ZNF507: variants seen among roughly 807,000 people sequenced by gnomAD.
ZNF507 encodes zinc finger protein 507.
A neutral mutation model predicts 80.0 loss-of-function variants in ZNF507; 29 were observed. The observed-to-expected ratio is 0.36, with a 90% confidence interval of 0.27 to 0.49. ZNF507 has a LOEUF of 0.49. Ranked by LOEUF, ZNF507 falls within the 20% of genes least tolerant of loss-of-function variation. The pLI is 0.98. For missense variants in ZNF507, 1,081 were observed against 1,152.2 expected (o/e 0.94, Z 0.90); for synonymous variants, 462 against 422.5 (o/e 1.09, Z -1.15).
Position 32,382,940 on chromosome 19 carries a change from T to C in ZNF507, c.2719T>C (p.Cys907Arg). The C allele has an allele frequency of 6.2e-7, 1 of 1,614,204 alleles. No homozygotes were observed. Among genetic ancestry groups the C allele is most frequent in the Non-Finnish European group, 8.5e-7 (1 of 1,180,024 alleles). ...TCTGGCCCCTCCTAGCATGGAGTAC[T>C]GCGTTTTACTCTTCTGCTGTTGTAT... is the stretch of plus-strand genomic sequence containing the variant. ...SSLAPPSMEY[C>R]VLLFCCCICG... Residue 907 changes from cysteine to arginine, a missense_variant, in exon 7 of 7, where the codon TGC becomes CGC. Physicochemically the swap from Cys to Arg is radical, Grantham distance 180 (BLOSUM62 -3). Coordinates refer to ENST00000355898, the MANE Select transcript of ZNF507 (RefSeq NM_001136156.2).
intron 5 of ZNF507, among the ~76,000 whole-genome samples, chr19:32,374,169 A>AACACACACACACACACACACACACAC (rs56820529): frequency 1.1e-4 from 16 of 149,786 alleles, no homozygotes; most frequent in African/African-American, 3.7e-4. Context: ...CAAAGCAAGG[A>AACACACACACACACACACACACACAC]ACACACACAC....
intron 5 of ZNF507, among the ~76,000 whole-genome samples, chr19:32,372,099 T>C (rs996479012): frequency 2.0e-5 from 3 of 152,156 alleles, no homozygotes; most frequent in African/African-American, 7.2e-5. Context: ...CTTAGTAGAG[T>C]GTATTTTCAT....
chr19:32,368,081 C>A (rs570416964), intron 5 of ZNF507, among the ~76,000 whole-genome samples: 2 of 152,270 alleles, frequency 1.3e-5, no homozygotes, highest in African/African-American at 4.8e-5. Context: ...CTCCTAATAA[C>A]TGTGTCATCC....
intron 1 of ZNF507, among the ~76,000 whole-genome samples, chr19:32,346,668 C>T (rs1326980560): frequency 1.3e-5 from 2 of 152,162 alleles, no homozygotes; most frequent in Non-Finnish European, 2.9e-5. Flanking sequence ...TTTACTTAAC[C>T]GTAATCGATA....
chr19:32,365,993 G>A (rs941725527), intron 5 of ZNF507, among the ~76,000 whole-genome samples: 1 of 152,156 alleles, frequency 6.6e-6, no homozygotes, highest in African/African-American at 2.4e-5. Context: ...TAAATGTGTA[G>A]TGGTATTATT....
chr19:32,361,533 A>G (rs958817709), intron 5 of ZNF507, among the ~76,000 whole-genome samples: 10 of 152,216 alleles, frequency 6.6e-5, no homozygotes, highest in African/African-American at 2.4e-4. Flanking sequence ...GCAAACCAGC[A>G]GACTTACTTA....
chr19:32,361,513 T>C (rs1967322275), intron 5 of ZNF507, among the ~76,000 whole-genome samples: 1 of 152,202 alleles, frequency 6.6e-6, no homozygotes, highest in Non-Finnish European at 1.5e-5. Context: ...ATTTAATATG[T>C]GCTTAATTTG....
At chr19:32,358,213 G>C (rs941502467) in intron 4 of ZNF507, 6 of 152,060 alleles carry the variant, frequency 3.9e-5, no homozygotes, top group African/African-American at 1.4e-4. Flanking sequence ...ACCTGGATGG[G>C]TACTTTATTA....
intron 5 of ZNF507, among the ~76,000 whole-genome samples, chr19:32,360,929 A>G: frequency 6.6e-6 from 1 of 152,184 alleles, no homozygotes; most frequent in East Asian, 1.9e-4. Context: ...GAGCCACTGC[A>G]CCTGGCTGGT....
At chr19:32,373,820 C>A (rs1439958140) in intron 5 of ZNF507, among the ~76,000 whole-genome samples, 1 of 152,184 alleles carries the variant, frequency 6.6e-6, no homozygotes, top group African/African-American at 2.4e-5. Flanking sequence ...ATTTTGTTGG[C>A]CAGTTCCTCT....
chr19:32,350,514 G>A (rs918865832), intron 2 of ZNF507, among the ~76,000 whole-genome samples: 7 of 152,212 alleles, frequency 4.6e-5, no homozygotes, highest in Non-Finnish European at 7.3e-5. Flanking sequence ...CTTGAGTTAA[G>A]ATGAACTCCT....
chr19:32,385,458 T>C lies in ZNF507; in HGVS notation c.*2375T>C, dbSNP rs557919955. On this transcript the variant is annotated 3_prime_UTR_variant, in exon 7 of 7. Transcript: ENST00000355898. Reference sequence around the variant, plus strand: ...TTAACAATGTGTCTACCAAGAACAATTGAGTTTTCTAAAAGTAATAATGAA... The same window carrying C: ...TTAACAATGTGTCTACCAAGAACAACTGAGTTTTCTAAAAGTAATAATGAA... The C allele has an allele frequency of 1.1e-4, 17 of 152,312 alleles. No homozygotes were observed. The highest frequency in any genetic ancestry group is 3.4e-4 in the African/African-American group (14 of 41,566). The allele number at this position is 152,312 out of a possible 1,614,324, so 9.4% of individuals were successfully genotyped here. A position where few individuals can be genotyped will look rare whatever the true frequency, so the allele number is the denominator to read the frequency against.
intron 5 of ZNF507, among the ~76,000 whole-genome samples, chr19:32,373,177 A>G (rs1207020001): frequency 6.6e-6 from 1 of 151,982 alleles, no homozygotes; most frequent in Non-Finnish European, 1.5e-5. Context: ...ACCTCTTAAT[A>G]TTATCCCTTT....
intron 5 of ZNF507, among the ~76,000 whole-genome samples, chr19:32,379,860 G>T (rs760920438): frequency 5.3e-5 from 8 of 151,822 alleles, no homozygotes; most frequent in Non-Finnish European, 1.0e-4. Flanking sequence ...TATGCTTGTG[G>T]AAGAACAGTC....
chr19:32,362,738 G>A (rs1432885061), intron 5 of ZNF507, among the ~76,000 whole-genome samples: 3 of 152,138 alleles, frequency 2.0e-5, no homozygotes, highest in Non-Finnish European at 2.9e-5. Flanking sequence ...TCCTACCAAC[G>A]GGCAACATCC....
At position 32,386,442 on chromosome 19, in the gene ZNF507, T is replaced by G. The variant is rs1251284429; in HGVS notation, c.*3359T>G. On this transcript the variant is annotated 3_prime_UTR_variant, in exon 7 of 7. Coordinates refer to ENST00000355898, the MANE Select transcript of ZNF507 (RefSeq NM_001136156.2). ...GTAATATTCGATAAAATATATTTAA[T>G]AGAAATTTGCGTTTGATATTCATGA... is the stretch of plus-strand genomic sequence containing the variant. 6.6e-6 allele frequency: 1 copy of G among 152,658 alleles called. No individual in the cohort carries two copies. The highest frequency in any genetic ancestry group is 1.5e-5 in the Non-Finnish European group (1 of 68,040). The allele number at this position is 152,658 out of a possible 1,614,324, so 9.5% of individuals were successfully genotyped here.
chr19:32,362,050 C>A (rs984089241), intron 5 of ZNF507, among the ~76,000 whole-genome samples: 1 of 152,100 alleles, frequency 6.6e-6, no homozygotes, highest in African/African-American at 2.4e-5. Flanking sequence ...TCCCAAGTAG[C>A]TGGGACCACA....
intron 5 of ZNF507, among the ~76,000 whole-genome samples, chr19:32,361,373 G>C (rs1967319450): frequency 6.6e-6 from 1 of 152,114 alleles, no homozygotes; most frequent in Admixed American, 6.5e-5. Flanking sequence ...TCTCTCCCCA[G>C]ATTCTGTAGA....
chr19:32,348,043 A>T (rs939232870), intron 2 of ZNF507, among the ~76,000 whole-genome samples: 1 of 152,222 alleles, frequency 6.6e-6, no homozygotes, highest in Non-Finnish European at 1.5e-5. Flanking sequence ...TTTCCAGGTA[A>T]CTTTATAGAC....
Sources: gnomAD v4.1 joint callset for allele counts (sites outside exome capture counted in the v4.1 genomes callset) on GRCh38, gnomAD v4.1.1 for gene constraint, MANE v1.5 for transcripts, NCBI Gene and HGNC (gene_info 2026-07-23, HGNC 2026-07-21) for gene names.